Variants in LSAMP observed in about 807,000 individuals in gnomAD.
LSAMP encodes the protein limbic system associated membrane protein, also known as limbic system-associated membrane protein.
A neutral mutation model predicts 38.6 loss-of-function variants in LSAMP; 7 were observed. That is an observed-to-expected ratio of 0.18 (90% CI 0.10 to 0.34). The LOEUF (loss-of-function observed/expected upper bound fraction) is 0.34, where lower values mean the gene tolerates loss of function less well. LSAMP is among the 10% of genes least tolerant of loss of function. The pLI, the probability that LSAMP is intolerant of heterozygous loss-of-function variation, is 1.00. For missense variants in LSAMP, 313 were observed against 420.0 expected (o/e 0.75, Z 2.23); for synonymous variants, 154 against 166.8 (o/e 0.92, Z 0.59).
chr3:116,017,719 C>T (rs1366969274), intron 3 of LSAMP, among the ~76,000 whole-genome samples: 2 of 151,962 alleles, frequency 1.3e-5, no homozygotes, highest in Middle Eastern at 3.2e-3. Context: ...CAAACGATTG[C>T]TTAGGAAAAA....
chr3:116,236,049 GT>G (rs941756383), intron 1 of LSAMP, among the ~76,000 whole-genome samples: 1 of 151,844 alleles, frequency 6.6e-6, no homozygotes, highest in African/African-American at 2.4e-5. Context: ...CACTGCTTGT[GT>G]TTTTTTCACT....
intron 1 of LSAMP, among the ~76,000 whole-genome samples, chr3:116,301,351 G>A (rs774646502): frequency 7.9e-5 from 12 of 152,104 alleles, no homozygotes; most frequent in Non-Finnish European, 1.5e-4. Context: ...TTAGGAGAAA[G>A]ATTAATTCAA....
At chr3:116,173,732 C>A (rs1029410932) in intron 1 of LSAMP, among the ~76,000 whole-genome samples, 9 of 151,210 alleles carry the variant, frequency 6.0e-5, no homozygotes, top group Non-Finnish European at 8.8e-5. Context: ...GCATATTTAA[C>A]ATTTTATGTC....
At chr3:116,143,209 G>A (rs951706637) in intron 1 of LSAMP, among the ~76,000 whole-genome samples, 4 of 151,688 alleles carry the variant, frequency 2.6e-5, no homozygotes, top group African/African-American at 9.7e-5. Context: ...TCTGAATAAC[G>A]TGATTAAAAA....
intron 1 of LSAMP, among the ~76,000 whole-genome samples, chr3:116,245,379 C>A (rs1350490251): frequency 6.6e-6 from 1 of 152,120 alleles, no homozygotes; most frequent in African/African-American, 2.4e-5. Context: ...ATGTTACAGA[C>A]AAATAATCTG....
chr3:116,382,201 C>T (rs1161226685), intron 1 of LSAMP, among the ~76,000 whole-genome samples: 1 of 152,082 alleles, frequency 6.6e-6, no homozygotes, highest in African/African-American at 2.4e-5. Context: ...AAGACACATG[C>T]ACACGTATGT....
chr3:116,380,346 T>C (rs552687213), intron 1 of LSAMP, among the ~76,000 whole-genome samples: 63 of 152,230 alleles, frequency 4.1e-4, no homozygotes, highest in African/African-American at 1.4e-3. Flanking sequence ...TGGCATATAA[T>C]TGATTTATTG....
intron 1 of LSAMP, among the ~76,000 whole-genome samples, chr3:116,307,372 A>G (rs529641009): frequency 2.6e-4 from 39 of 152,178 alleles, no homozygotes; most frequent in African/African-American, 9.4e-4. Flanking sequence ...TTAAAATAAC[A>G]TACTAACTGG....
chr3:116,153,633 T>C (rs146201922), intron 1 of LSAMP, among the ~76,000 whole-genome samples: 2 of 152,258 alleles, frequency 1.3e-5, no homozygotes, highest in East Asian at 3.9e-4. Context: ...ACTTTTTCTT[T>C]AGGGTTCAGA....
At chr3:116,240,622 A>G (rs1363944301) in intron 1 of LSAMP, among the ~76,000 whole-genome samples, 3 of 152,224 alleles carry the variant, frequency 2.0e-5, no homozygotes, top group African/African-American at 7.2e-5. Flanking sequence ...CCATATAGCT[A>G]GCAGCACCAA....
rs115686870 is a variant in LSAMP at position 116,161,647 on chromosome 3, G to C, written c.156-75091C>G. Among the ~76,000 whole-genome samples, 685 of 152,230 alleles carry C rather than the reference G, an allele frequency of 4.5e-3. 7 individuals carry two copies. The highest frequency in any genetic ancestry group is 0.016 in the African/African-American group (657 of 41,544). On this transcript the variant is annotated intron_variant, in intron 1 of 6. Coordinates refer to ENST00000490035, the MANE Select transcript of LSAMP (RefSeq NM_002338.5). The stretch of plus-strand genomic sequence containing the variant: ...GTTCTAAGCAAACAGGAGGAATGCT[G>C]ACTGCCAAGAAAGTCACAAAAGAAA...
chr3:116,320,210 C>T (rs1316537403), intron 1 of LSAMP, among the ~76,000 whole-genome samples: 2 of 152,048 alleles, frequency 1.3e-5, no homozygotes, highest in African/African-American at 4.8e-5. Flanking sequence ...GTCAGGAGTT[C>T]GAGACCAGCC....
intron 6 of LSAMP, among the ~76,000 whole-genome samples, chr3:115,821,430 C>T (rs1934234506): frequency 6.6e-6 from 1 of 152,218 alleles, no homozygotes; most frequent in Non-Finnish European, 1.5e-5. Context: ...TTTGCATTCA[C>T]ATGTAGGTAA....
chr3:115,855,057 A>G (rs912421211), intron 3 of LSAMP, among the ~76,000 whole-genome samples: 2 of 152,236 alleles, frequency 1.3e-5, no homozygotes, highest in South Asian at 2.1e-4. Context: ...GAAGGAGAGA[A>G]CAAGGATAAT....
At chr3:116,187,077 G>C (rs1221997162) in intron 1 of LSAMP, among the ~76,000 whole-genome samples, 2 of 152,112 alleles carry the variant, frequency 1.3e-5, no homozygotes, top group Admixed American at 6.6e-5. Flanking sequence ...GATCTTCATA[G>C]TTCTTCTAAA....
intron 1 of LSAMP, among the ~76,000 whole-genome samples, chr3:116,292,999 A>ATTT (rs1368298879): frequency 1.3e-5 from 2 of 151,852 alleles, no homozygotes; most frequent in African/African-American, 4.8e-5. Context: ...TTCTTTCTCT[A>ATTT]TTTATTTCCT....
chr3:116,122,380 C>G (rs1708896413), intron 1 of LSAMP, among the ~76,000 whole-genome samples: 5 of 152,174 alleles, frequency 3.3e-5, no homozygotes, highest in Admixed American at 3.3e-4. Flanking sequence ...ATGATCTGAT[C>G]TTTACACAGC....
At chr3:116,391,718 C>T (rs555778386) in intron 1 of LSAMP, among the ~76,000 whole-genome samples, 31 of 152,180 alleles carry the variant, frequency 2.0e-4, no homozygotes, top group African/African-American at 6.0e-4. Flanking sequence ...CCGTCTGGAG[C>T]GGCTGGAGCA....
At chr3:116,433,052 A>G (rs2049302453) in intron 1 of LSAMP, among the ~76,000 whole-genome samples, 1 of 152,198 alleles carries the variant, frequency 6.6e-6, no homozygotes, top group Admixed American at 6.5e-5. Context: ...ACAAATTGGC[A>G]ACCATATGTG....
Sources: allele counts gnomAD v4.1 joint callset (sites outside exome capture counted in the v4.1 genomes callset), GRCh38; gene constraint gnomAD v4.1.1; transcripts MANE v1.5; gene names NCBI Gene and HGNC (gene_info 2026-07-23, HGNC 2026-07-21).